MYO3B: variants seen among roughly 807,000 people sequenced by gnomAD.
MYO3B encodes the protein myosin IIIB.
A neutral mutation model predicts 174.6 loss-of-function variants in MYO3B; 156 were observed. The observed-to-expected ratio is 0.89, with a 90% CI of 0.78 to 1.02. The LOEUF is 1.02. Among genes scored for constraint, MYO3B ranks in the 50% least tolerant of loss-of-function variants. The pLI, the probability that MYO3B is intolerant of heterozygous loss-of-function variation, is 0.00. For synonymous variants in MYO3B, 563 were observed against 569.1 expected (o/e 0.99, Z 0.15); for missense variants, 1,632 against 1,639.4 (o/e 1.00, Z 0.08).
intron 22 of MYO3B, among the ~76,000 whole-genome samples, chr2:170,414,642 T>C (rs1218194910): frequency 1.3e-5 from 2 of 152,252 alleles, no homozygotes; most frequent in East Asian, 1.9e-4. Flanking sequence ...TTGACTAGAA[T>C]GGCATTAAAT....
intron 25 of MYO3B, among the ~76,000 whole-genome samples, chr2:170,489,096 G>A (rs1451195860): frequency 1.3e-5 from 2 of 152,204 alleles, no homozygotes; most frequent in African/African-American, 4.8e-5. Flanking sequence ...AGCTAGGAAG[G>A]TTTGATAAGT....
chr2:170,373,844 AC>A (rs966525545), intron 9 of MYO3B, among the ~76,000 whole-genome samples: 3 of 145,346 alleles, frequency 2.1e-5, no homozygotes. Context: ...AAAAAAAAAA[AC>A]TTAGCAAGGT....
rs2092838578 is a variant in MYO3B, at chr2:170,217,179, AG to A, written c.527-139del. Reference sequence around the variant, plus strand: ...ATGGCTGCTTTTGTACTATTGCAGCAGAACTGAGTAGTTGTGACAGAGACCA... The same window carrying A: ...ATGGCTGCTTTTGTACTATTGCAGCAAACTGAGTAGTTGTGACAGAGACCA... On this transcript the variant is annotated intron_variant, in intron 5 of 34. Coordinates refer to ENST00000408978, the MANE Select transcript of MYO3B (RefSeq NM_138995.5). 6 of 700,488 alleles carry A rather than the reference AG, an allele frequency of 8.6e-6. No homozygotes were observed. The South Asian group carries it at 1.0e-4, about 12-fold the overall frequency. 43.4% of individuals were successfully genotyped at this position (700,488 alleles called of 1,614,324 possible).
chr2:170,258,694 G>A (rs150679401), intron 7 of MYO3B, among the ~76,000 whole-genome samples: 1 of 152,192 alleles, frequency 6.6e-6, no homozygotes, highest in Non-Finnish European at 1.5e-5. Context: ...TCATAGTATT[G>A]GAAGTTCTAG....
chr2:170,615,006 TTC>T (rs1406209457), intron 32 of MYO3B, among the ~76,000 whole-genome samples: 1 of 152,152 alleles, frequency 6.6e-6, no homozygotes, highest in African/African-American at 2.4e-5. Context: ...CACAGTTACT[TTC>T]TGTTTCTTAC....
At chr2:170,260,825 C>G (rs923958067) in intron 7 of MYO3B, among the ~76,000 whole-genome samples, 1 of 152,050 alleles carries the variant, frequency 6.6e-6, no homozygotes, top group African/African-American at 2.4e-5. Context: ...TTTCTTGACT[C>G]TAGTGGGTAA....
At chr2:170,271,601 G>A (rs1449261490) in intron 7 of MYO3B, among the ~76,000 whole-genome samples, 2 of 152,142 alleles carry the variant, frequency 1.3e-5, no homozygotes, top group Non-Finnish European at 2.9e-5. Flanking sequence ...GTACAACGTG[G>A]CCTAATGGCT....
At chr2:170,514,622 A>T (rs745588977) in intron 28 of MYO3B, among the ~76,000 whole-genome samples, 1 of 152,200 alleles carries the variant, frequency 6.6e-6, no homozygotes, top group African/African-American at 2.4e-5. Flanking sequence ...GAGTTTCCCT[A>T]TTTGACTAAT....
chr2:170,545,919 T>C (rs890250763), intron 32 of MYO3B, among the ~76,000 whole-genome samples: 3 of 152,218 alleles, frequency 2.0e-5, no homozygotes, highest in Non-Finnish European at 2.9e-5. Flanking sequence ...CCCTCCATAC[T>C]CTTCAGTGTC....
At chr2:170,631,677 G>A (rs202074199) in intron 32 of MYO3B, among the ~76,000 whole-genome samples, 3,371 of 152,068 alleles carry the variant, frequency 0.022, 146 homozygotes, top group East Asian at 0.13. Context: ...ACCCACAAAG[G>A]GAAGCCCATC....
At chr2:170,595,379 G>A (rs960273431) in intron 32 of MYO3B, among the ~76,000 whole-genome samples, 1 of 149,966 alleles carries the variant, frequency 6.7e-6, no homozygotes, top group African/African-American at 2.5e-5. Context: ...TTAGCCTCAT[G>A]TCTGTGCTGC....
chr2:170,507,581 T>G (rs1687691536), intron 28 of MYO3B, among the ~76,000 whole-genome samples: 1 of 151,862 alleles, frequency 6.6e-6, no homozygotes, highest in Non-Finnish European at 1.5e-5. Context: ...TTAGTAGAGA[T>G]GGGGTTTCAC....
chr2:170,518,872 C>T (rs1307651453), intron 29 of MYO3B, among the ~76,000 whole-genome samples: 1 of 152,150 alleles, frequency 6.6e-6, no homozygotes, highest in Non-Finnish European at 1.5e-5. Flanking sequence ...GAAAAGAAGG[C>T]CGTGATTGAT....
At chr2:170,475,096 T>C (rs1685238353) in intron 25 of MYO3B, among the ~76,000 whole-genome samples, 1 of 152,138 alleles carries the variant, frequency 6.6e-6, no homozygotes, top group African/African-American at 2.4e-5. Flanking sequence ...GAAAACTCAG[T>C]CTATTCTGGC....
chr2:170,233,373 T>A (rs1309906457), intron 6 of MYO3B, among the ~76,000 whole-genome samples: 1 of 152,236 alleles, frequency 6.6e-6, no homozygotes, highest in Non-Finnish European at 1.5e-5. Flanking sequence ...CACAGTGTCA[T>A]GAATAACAGT....
rs750538117 is a variant in MYO3B at position 170,463,453 on chromosome 2, G to A, written c.2808+8G>A. On this transcript the variant is annotated splice_region_variant and intron_variant, in intron 24 of 34. Coordinates refer to ENST00000408978, the MANE Select transcript of MYO3B (RefSeq NM_138995.5). The stretch of plus-strand genomic sequence containing the variant: ...GTGGCTTCTTACTTCCGGGTATGGA[G>A]TCTTCTTGATCTCTATTCTGCCTGC... The A allele has an allele frequency of 1.3e-5, 21 of 1,613,122 alleles. No homozygotes were observed. The Admixed American group carries it at 3.0e-4, about 23-fold the overall frequency.
At chr2:170,187,717 T>C (rs1421653315) in intron 1 of MYO3B, among the ~76,000 whole-genome samples, 1 of 152,232 alleles carries the variant, frequency 6.6e-6, no homozygotes, top group Admixed American at 6.5e-5. Flanking sequence ...TCTTAATTTC[T>C]TCATTGACCC....
intron 7 of MYO3B, among the ~76,000 whole-genome samples, chr2:170,288,609 GT>G (rs1574722495): frequency 6.6e-6 from 1 of 151,916 alleles, no homozygotes; most frequent in East Asian, 1.9e-4. Context: ...AGATATAACA[GT>G]TTTTTTGGTG....
chr2:170,594,334 T>C (rs1420620444), intron 32 of MYO3B, among the ~76,000 whole-genome samples: 1 of 151,980 alleles, frequency 6.6e-6, no homozygotes, highest in Non-Finnish European at 1.5e-5. Flanking sequence ...ATGGCGAAGC[T>C]AGGGAGAAGA....
Sources: allele counts gnomAD v4.1 joint callset (sites outside exome capture counted in the v4.1 genomes callset), GRCh38; gene constraint gnomAD v4.1.1; transcripts MANE v1.5; gene names NCBI Gene and HGNC (gene_info 2026-07-23, HGNC 2026-07-21).